The following AGBL4 variants were observed in gnomAD, a reference collection of about 807,000 sequenced individuals.
AGBL4 encodes the protein AGBL carboxypeptidase 4.
AGBL4 carries 58 observed loss-of-function variants against 66.4 expected under a neutral mutation model. The ratio of observed to expected loss-of-function variants is 0.87; its 90% CI spans 0.71 to 1.09. The LOEUF (loss-of-function observed/expected upper bound fraction) is 1.09. Ranked by LOEUF, AGBL4 falls within the 50% of genes least tolerant of loss-of-function variation. The probability of loss-of-function intolerance (pLI) is 0.00; values close to 1 mark genes in which losing one functional copy is unlikely to be tolerated. For missense variants in AGBL4, 579 were observed against 631.0 expected (o/e 0.92, Z 0.88); for synonymous variants, 234 against 222.9 (o/e 1.05, Z -0.44).
At chr1:49,403,556 G>A (rs1326891730) in intron 3 of AGBL4, among the ~76,000 whole-genome samples, 1 of 152,034 alleles carries the variant, frequency 6.6e-6, no homozygotes, top group Non-Finnish European at 1.5e-5. Context: ...TGTCTGAAAG[G>A]TCACATATCT....
At chr1:48,618,828 G>T (rs548701507) in intron 9 of AGBL4, among the ~76,000 whole-genome samples, 12 of 152,224 alleles carry the variant, frequency 7.9e-5, no homozygotes, top group African/African-American at 2.6e-4. Context: ...ACAGTGGTCG[G>T]GGGAGGAGTG....
intron 11 of AGBL4, among the ~76,000 whole-genome samples, chr1:48,551,556 A>G (rs1228040782): frequency 6.6e-6 from 1 of 152,122 alleles, no homozygotes; most frequent in Non-Finnish European, 1.5e-5. Flanking sequence ...AAAGGTAGGG[A>G]GAAAAAGCAA....
intron 6 of AGBL4, among the ~76,000 whole-genome samples, chr1:48,674,378 CAT>C (rs1461219008): frequency 1.7e-4 from 26 of 152,154 alleles, no homozygotes; most frequent in African/African-American, 6.0e-4. Flanking sequence ...TGTCCAAGGT[CAT>C]ATAGCTGGCA....
chr1:49,857,972 GACTA>G (rs1646475188), intron 1 of AGBL4, among the ~76,000 whole-genome samples: 1 of 151,856 alleles, frequency 6.6e-6, no homozygotes, highest in African/African-American at 2.4e-5. Flanking sequence ...TACCCAAAGG[GACTA>G]ACTCTCTAGA....
intron 3 of AGBL4, among the ~76,000 whole-genome samples, chr1:49,599,540 T>C (rs966053008): frequency 2.6e-5 from 4 of 152,182 alleles, no homozygotes; most frequent in Non-Finnish European, 4.4e-5. Context: ...AGTCTATCTA[T>C]TTTGTTGATC....
chr1:49,519,691 C>G lies in AGBL4; in HGVS notation c.282+177622G>C, dbSNP rs553554783. ...GATCACTCTACAGGTATTAAAAACA[C>G]AATGTGAAAACAACAACTCTGATTC... On this transcript the variant is annotated intron_variant, in intron 3 of 13. Coordinates refer to ENST00000371839, the MANE Select transcript of AGBL4 (RefSeq NM_032785.4). Among the ~76,000 whole-genome samples the G allele has an allele frequency of 5.3e-5, 8 of 152,052 alleles. No individual in the cohort carries two copies. The East Asian group carries it at 1.6e-3, about 29-fold the overall frequency.
At chr1:49,654,198 G>A (rs900829299) in intron 3 of AGBL4, among the ~76,000 whole-genome samples, 2 of 152,068 alleles carry the variant, frequency 1.3e-5, no homozygotes, top group Non-Finnish European at 2.9e-5. Flanking sequence ...AAATGTCCAG[G>A]AGCAGGTTGT....
At chr1:49,944,990 G>T (rs1289901967) in intron 1 of AGBL4, among the ~76,000 whole-genome samples, 1 of 151,888 alleles carries the variant, frequency 6.6e-6, no homozygotes, top group Non-Finnish European at 1.5e-5. Context: ...CAAGGTTTTT[G>T]AATTAACCCA....
chr1:48,827,995 T>TACACACACAC (rs375257744), intron 6 of AGBL4, among the ~76,000 whole-genome samples: 1,494 of 116,964 alleles, frequency 0.013, 35 homozygotes, highest in East Asian at 0.045. Flanking sequence ...CTACTAAAAA[T>TACACACACAC]ACACACACAC....
chr1:49,967,901 C>T (rs1657704499), intron 1 of AGBL4, among the ~76,000 whole-genome samples: 1 of 151,796 alleles, frequency 6.6e-6, no homozygotes, highest in African/African-American at 2.4e-5. Flanking sequence ...AGGGTTTTTT[C>T]AAGAACATGG....
chr1:49,054,720 T>G (rs1253159106), intron 4 of AGBL4, among the ~76,000 whole-genome samples: 1 of 151,984 alleles, frequency 6.6e-6, no homozygotes, highest in Admixed American at 6.6e-5. Flanking sequence ...TTTCATAAAG[T>G]TTTAGAAAGC....
intron 3 of AGBL4, among the ~76,000 whole-genome samples, chr1:49,559,819 T>A (rs746904023): frequency 6.6e-6 from 1 of 152,108 alleles, no homozygotes; most frequent in Non-Finnish European, 1.5e-5. Flanking sequence ...TCTACTGACT[T>A]CCTTGCTCCT....
chr1:49,075,694 G>A (rs1644696324), intron 4 of AGBL4, among the ~76,000 whole-genome samples: 1 of 152,176 alleles, frequency 6.6e-6, no homozygotes, highest in Non-Finnish European at 1.5e-5. Context: ...TCCGAGGACA[G>A]GGAAACTAAT....
chr1:48,725,269 C>A (rs1322964672), intron 6 of AGBL4, among the ~76,000 whole-genome samples: 1 of 152,178 alleles, frequency 6.6e-6, no homozygotes, highest in African/African-American at 2.4e-5. Flanking sequence ...AAAGTGACAT[C>A]TGTGTTAAAA....
At chr1:49,863,565 G>A (rs1646627291) in intron 1 of AGBL4, among the ~76,000 whole-genome samples, 1 of 152,032 alleles carries the variant, frequency 6.6e-6, no homozygotes, top group African/African-American at 2.4e-5. Context: ...GAATATATAA[G>A]GAGCTCAAAT....
At chr1:49,923,467 C>T (rs116439991) in intron 1 of AGBL4, among the ~76,000 whole-genome samples, 8,098 of 151,884 alleles carry the variant, frequency 0.053, 238 homozygotes, top group African/African-American at 0.071. Flanking sequence ...ATAAGTGTGA[C>T]CTAAGTAAAC....
At chr1:49,983,818 A>G (rs1659278850) in intron 1 of AGBL4, among the ~76,000 whole-genome samples, 1 of 152,228 alleles carries the variant, frequency 6.6e-6, no homozygotes, top group African/African-American at 2.4e-5. Flanking sequence ...TGCAGTATGC[A>G]TTTCACTGTG....
At chr1:49,852,622 A>C (rs547795442) in intron 1 of AGBL4, among the ~76,000 whole-genome samples, 17 of 152,294 alleles carry the variant, frequency 1.1e-4, no homozygotes, top group African/African-American at 3.8e-4. Context: ...CGAACTTATC[A>C]CCTGAGTGCA....
rs529580710 is a variant in AGBL4 at position 49,133,989 on chromosome 1, A to G, written c.378-88189T>C. On this transcript the variant is annotated intron_variant, in intron 4 of 13. Transcript: ENST00000371839. Reference sequence around the variant, plus strand: ...AATATTTCAACAGAGGTTCTTTTCTATTTTCCCTAAGTGTCAGCCATTCTA... The same window carrying G: ...AATATTTCAACAGAGGTTCTTTTCTGTTTTCCCTAAGTGTCAGCCATTCTA... 2.3e-4 allele frequency among the ~76,000 whole-genome samples: 35 copies of G among 152,030 alleles called. 1 individual carries two copies. In the South Asian group the frequency reaches 7.1e-3, roughly 31 times the overall value.
Sources: gnomAD v4.1 joint callset for allele counts (sites outside exome capture counted in the v4.1 genomes callset) on GRCh38, gnomAD v4.1.1 for gene constraint, MANE v1.5 for transcripts, NCBI Gene and HGNC (gene_info 2026-07-23, HGNC 2026-07-21) for gene names.